Variants in INCENP observed in about 807,000 individuals in gnomAD.
INCENP encodes the protein inner centromere protein, also known as binds and activates aurora-B and -C in vivo and in vitro.
In INCENP, 43 loss-of-function variants were observed where a neutral mutation model predicts 107.3. The ratio of observed to expected loss-of-function variants is 0.40; its 90% CI spans 0.31 to 0.52. The LOEUF (loss-of-function observed/expected upper bound fraction) is 0.52. Ranked by LOEUF, INCENP falls within the 20% of genes least tolerant of loss-of-function variation. The pLI, the probability that INCENP is intolerant of heterozygous loss-of-function variation, is 0.53. For missense variants in INCENP, 1,089 were observed against 1,250.9 expected (o/e 0.87, Z 1.95); for synonymous variants, 488 against 494.4 (o/e 0.99, Z 0.17).
Position 62,130,542 on chromosome 11 carries a change from C to T in INCENP, c.1015C>T (p.Leu339Phe). Residue 339 changes from leucine (L) to phenylalanine (F), a missense_variant, in exon 4 of 19, where the codon CTT becomes TTT. Leu to Phe is a conservative substitution (Grantham distance 22). Transcript: ENST00000394818. ...ESVVRRASRR[L>F]AKKTAEEPAA... is the part of the protein sequence containing the mutation. The stretch of plus-strand genomic sequence containing the variant: ...TGTTGTCCGCAGGGCGAGCAGAAGG[C>T]TTGCCAAGAAGACTGCCGAAGAGCC... 1 of 1,613,904 alleles carries T rather than the reference C, an allele frequency of 6.2e-7. No homozygotes were observed.
intron 11 of INCENP, among the ~76,000 whole-genome samples, chr11:62,143,387 G>T (rs113390317): frequency 1.7e-4 from 26 of 152,166 alleles, no homozygotes; most frequent in African/African-American, 6.0e-4. Context: ...CTTTCTGTCC[G>T]TGCCCCAGTG....
chr11:62,141,295 G>T (rs1944116547), intron 10 of INCENP, among the ~76,000 whole-genome samples: 1 of 152,218 alleles, frequency 6.6e-6, no homozygotes. Context: ...GAGCCCTGGG[G>T]ATCTGTGTAG....
intron 4 of INCENP, among the ~76,000 whole-genome samples, chr11:62,134,020 T>C (rs535105637): frequency 7.9e-5 from 12 of 152,138 alleles, no homozygotes; most frequent in Non-Finnish European, 1.8e-4. Context: ...AAAAAGCCTC[T>C]TTTTTTCCTG....
chr11:62,137,879 G>T lies in INCENP; in HGVS notation c.1111G>T (p.Val371Phe), dbSNP rs574706617. ...RLLNVEVPQK[V>F]GSEQKEPPEE... Reference sequence around the variant, plus strand: ...CCTGAATGTTGAGGTGCCCCAGAAAGTTGGGTGAGTTCAGTTCCAGGGCTT... The same window carrying T: ...CCTGAATGTTGAGGTGCCCCAGAAATTTGGGTGAGTTCAGTTCCAGGGCTT... Residue 371 changes from valine (V) to phenylalanine (F), a missense_variant, in exon 5 of 19, where the codon GTT becomes TTT. Coordinates refer to ENST00000394818, the MANE Select transcript of INCENP (RefSeq NM_001040694.2). The T allele has an allele frequency of 2.4e-5, 38 of 1,614,082 alleles. No homozygotes were observed. The South Asian group carries it at 3.8e-4, about 16-fold the overall frequency.
At chr11:62,136,092 C>T (rs558947969) in intron 4 of INCENP, among the ~76,000 whole-genome samples, 18 of 152,324 alleles carry the variant, frequency 1.2e-4, no homozygotes, top group Admixed American at 7.2e-4. Context: ...CCACCGCACC[C>T]GGCCTTGGCC....
intron 15 of INCENP, 88 bp downstream of exon 15, chr11:62,146,990 A>G: frequency 6.5e-7 from 1 of 1,550,356 alleles, no homozygotes; most frequent in East Asian, 2.3e-5. Context: ...CCCCACCTGC[A>G]TGTGACGGTT....
chr11:62,126,261 T>A (rs911917391), intron 1 of INCENP, among the ~76,000 whole-genome samples: 4 of 151,676 alleles, frequency 2.6e-5, no homozygotes, highest in Admixed American at 1.3e-4. Context: ...AGTGGTGTGA[T>A]CTTGGCTCAT....
intron 5 of INCENP, 30 bp from the exon 6 acceptor site, chr11:62,138,683 G>A: frequency 6.2e-7 from 1 of 1,609,898 alleles, no homozygotes; most frequent in Non-Finnish European, 8.5e-7. Flanking sequence ...TAGCTGGGCA[G>A]TCCCCTCAGA....
In INCENP at chr11:62,130,412, C is replaced by T. The variant is rs1225697082; in HGVS notation, c.885C>T (p.Gly295=). Residue 295 remains glycine, a synonymous_variant, in exon 4 of 19, where the codon GGC becomes GGT. Transcript: ENST00000394818. The part of the protein sequence containing the change: ...ILPDNFSTPT[G]SRTDSQSVRH... ...CGGATAACTTCTCCACGCCCACGGG[C>T]TCTCGCACGGACTCTCAATCGGTGC... The T allele has an allele frequency of 2.5e-6, 4 of 1,613,572 alleles. No homozygotes were observed. The highest frequency in any genetic ancestry group is 1.3e-5 in the African/African-American group (1 of 74,954).
chr11:62,146,771 G>T lies in INCENP; in HGVS notation c.2073G>T (p.Glu691Asp). ...AKRLAEQREQERREQERREQE... is the reference protein window; with the variant it reads ...AKRLAEQREQDRREQERREQE... ...GGCTGGCAGAGCAGCGGGAGCAGGA[G>T]CGGCGGGAGCAGGAGCGGCGCGAGC... is the stretch of plus-strand genomic sequence containing the variant. The change falls in exon 15 of 19, where the codon GAG (glutamate) becomes GAT (aspartate). Residue 691 changes from glutamate to aspartate, a missense_variant. Physicochemically the swap from Glu to Asp is conservative, Grantham distance 45. Transcript: ENST00000394818. The T allele has an allele frequency of 6.5e-7, 1 of 1,540,306 alleles. No homozygotes were observed. Among genetic ancestry groups the T allele is most frequent in the South Asian group, 1.2e-5 (1 of 82,374 alleles).
At position 62,138,882 on chromosome 11, in the gene INCENP, C is replaced by T. The variant is rs145525195; in HGVS notation, c.1174-6C>T. 1.5e-4 allele frequency: 245 copies of T among 1,610,596 alleles called. 4 individuals carry two copies. In the East Asian group the frequency reaches 5.4e-3, roughly 35 times the overall value. ...AAGACCCCTAAAGCCTTGGTTCTTT[C>T]CACAGGTCCCTGAGAACAATGGAAA... is the stretch of plus-strand genomic sequence containing the variant. On this transcript the variant is annotated splice_region_variant and splice_polypyrimidine_tract_variant and intron_variant, in intron 6 of 18. Transcript: ENST00000394818.
intron 4 of INCENP, among the ~76,000 whole-genome samples, chr11:62,131,132 T>A (rs1185201272): frequency 2.6e-5 from 4 of 152,158 alleles, no homozygotes; most frequent in African/African-American, 4.8e-5. Context: ...GGAGATCAGA[T>A]GACTGGGCAT....
intron 9 of INCENP, 30 bp from the exon 10 acceptor site, chr11:62,140,883 C>T: frequency 1.2e-6 from 2 of 1,613,880 alleles, no homozygotes; most frequent in Admixed American, 1.7e-5. Context: ...GCCCCGCCTG[C>T]CCACTTCTGA....
At chr11:62,129,346 G>T (rs954563366) in intron 3 of INCENP, among the ~76,000 whole-genome samples, 10 of 151,994 alleles carry the variant, frequency 6.6e-5, no homozygotes, top group African/African-American at 2.2e-4. Flanking sequence ...CCCCAGCTCT[G>T]CCCCTTAGCA....
intron 14 of INCENP, among the ~76,000 whole-genome samples, chr11:62,146,117 C>G (rs753351310): frequency 1.8e-4 from 27 of 152,178 alleles, no homozygotes; most frequent in Non-Finnish European, 3.7e-4. Flanking sequence ...GTGTCTGATG[C>G]CTGCTAAGAG....
At chr11:62,140,316 C>T (rs1189784885) in intron 8 of INCENP, 31 bp downstream of exon 8, 7 of 1,587,976 alleles carry the variant, frequency 4.4e-6, no homozygotes, top group Admixed American at 1.7e-5. Flanking sequence ...GTGTAGGTAA[C>T]TCTGAGGGCC....
At position 62,137,635 on chromosome 11, in the gene INCENP, G is replaced by A. The variant is rs560034594; in HGVS notation, c.1064-197G>A. Among the ~76,000 whole-genome samples, 7 of 152,262 alleles carry A rather than the reference G, an allele frequency of 4.6e-5. No individual in the cohort carries two copies. In the East Asian group the frequency reaches 7.7e-4, roughly 17 times the overall value. The stretch of plus-strand genomic sequence containing the variant: ...TGGGAAGACCATCTGGGAAGCAGCC[G>A]GGGACATGAAGCCAGCAGCTCCGAT... On this transcript the variant is annotated intron_variant, in intron 4 of 18. Transcript: ENST00000394818.
rs372144906 is a variant in INCENP, at chr11:62,140,296, G to T, written c.1343+11G>T. ...ACCGCAGAGTGCCAGGTTTGCATCCGGGAAGGGGTGTGTAGGTAACTCTGA... is the reference window on the plus strand; with the variant it reads ...ACCGCAGAGTGCCAGGTTTGCATCCTGGAAGGGGTGTGTAGGTAACTCTGA... On this transcript the variant is annotated intron_variant, in intron 8 of 18. Coordinates refer to ENST00000394818, the MANE Select transcript of INCENP (RefSeq NM_001040694.2). The T allele has an allele frequency of 1.1e-5, 17 of 1,611,974 alleles. No individual in the cohort carries two copies. Among genetic ancestry groups the T allele is most frequent in the African/African-American group, 1.3e-5 (1 of 74,858 alleles).
chr11:62,144,935 G>A, intron 11 of INCENP, 47 bp from the exon 12 acceptor site: 1 of 1,523,566 alleles, frequency 6.6e-7, no homozygotes, highest in Non-Finnish European at 9.0e-7. Flanking sequence ...CTGGGTGGGG[G>A]GTCGTCCTTG....
Sources: allele counts gnomAD v4.1 joint callset (sites outside exome capture counted in the v4.1 genomes callset), GRCh38; gene constraint gnomAD v4.1.1; transcripts MANE v1.5; gene names NCBI Gene and HGNC (gene_info 2026-07-23, HGNC 2026-07-21).